POLN: variants seen among roughly 807,000 people sequenced by gnomAD.
POLN encodes DNA polymerase nu.
In POLN, 108 loss-of-function variants were observed where a neutral mutation model predicts 113.5. The ratio of observed to expected loss-of-function variants is 0.95; its 90% CI spans 0.81 to 1.12. The LOEUF is 1.12. Ranked by LOEUF, POLN falls within the 50% of genes most tolerant of loss-of-function variation. The pLI is 0.00. For synonymous variants in POLN, 386 were observed against 391.5 expected (o/e 0.99, Z 0.17); for missense variants, 1,097 against 1,077.1 (o/e 1.02, Z -0.26).
intron 16 of POLN, among the ~76,000 whole-genome samples, chr4:2,146,847 C>T (rs952829131): frequency 6.6e-6 from 1 of 152,116 alleles, no homozygotes; most frequent in Admixed American, 6.5e-5. Flanking sequence ...ATCAAGGAAA[C>T]AAATTATATC....
At chr4:2,134,331 G>C (rs1372228012) in intron 16 of POLN, among the ~76,000 whole-genome samples, 1 of 152,328 alleles carries the variant, frequency 6.6e-6, no homozygotes, top group East Asian at 1.9e-4. Context: ...TTTGTGTGCA[G>C]GTTCTTGTGT....
Position 2,208,031 on chromosome 4 carries a change from T to C in POLN, c.670A>G (p.Thr224Ala), listed in dbSNP as rs61748734. Residue 224 changes from threonine (T) to alanine (A), a missense_variant, in exon 5 of 26, where the codon ACT becomes GCT. Physicochemically the swap from Thr to Ala is moderately conservative, Grantham distance 58. Coordinates refer to ENST00000511885, the MANE Select transcript of POLN (RefSeq NM_181808.4). ...GTGGAACCATCAGTATACATCACAG[T>C]TATCACCAGGGCTGCTGCCTGTTTG... ...MLKQAAALVI[T>A]VMYTDGSTQL... is the part of the protein sequence containing the mutation. 829 of 1,614,052 alleles carry C rather than the reference T, an allele frequency of 5.1e-4. 6 individuals carry two copies. The African/African-American group carries it at 9.8e-3, about 19-fold the overall frequency.
At position 2,161,462 on chromosome 4, in the gene POLN, G is replaced by A. The variant is rs1732587290; in HGVS notation, c.1555-2251C>T. The stretch of plus-strand genomic sequence containing the variant: ...GGGTCCCCCAGCAGTCAGCCCACCG[G>A]CGCTGCGCTCGATTTCTCACCCGGC... On this transcript the variant is annotated intron_variant, in intron 13 of 25. Coordinates refer to ENST00000511885, the MANE Select transcript of POLN (RefSeq NM_181808.4). 2.0e-5 allele frequency among the ~76,000 whole-genome samples: 3 copies of A among 152,248 alleles called. No homozygotes were observed. In the South Asian group the frequency reaches 6.2e-4, roughly 31 times the overall value.
intron 19 of POLN, among the ~76,000 whole-genome samples, chr4:2,119,662 C>A (rs941515362): frequency 6.6e-6 from 1 of 151,998 alleles, no homozygotes; most frequent in Non-Finnish European, 1.5e-5. Flanking sequence ...CATCAAATTG[C>A]CTTTTTGCTT....
intron 19 of POLN, among the ~76,000 whole-genome samples, chr4:2,101,593 T>A (rs1730927154): frequency 6.6e-6 from 1 of 152,242 alleles, no homozygotes; most frequent in Non-Finnish European, 1.5e-5. Flanking sequence ...GGAGGGAACA[T>A]GCCCTGGGTC....
chr4:2,208,172 C>G lies in POLN; in HGVS notation c.529G>C (p.Asp177His). Residue 177 changes from aspartate (D) to histidine (H), a missense_variant, in exon 5 of 26, where the codon GAT becomes CAT. Coordinates refer to ENST00000511885, the MANE Select transcript of POLN (RefSeq NM_181808.4). ...AGGTAGCCTTCGGCGTCATCAGTAT[C>G]TTCTTCCAATGCCATTTGTTTACTT... ...KTSKQMALEE[D>H]TDDAEGYLNS... is the part of the protein sequence containing the mutation. 6.2e-7 allele frequency: 1 copy of G among 1,613,752 alleles called. No individual in the cohort carries two copies.
chr4:2,236,629 C>A (rs1271941010), intron 2 of POLN, among the ~76,000 whole-genome samples: 1 of 151,880 alleles, frequency 6.6e-6, no homozygotes, highest in Non-Finnish European at 1.5e-5. Context: ...GAGGCCAAGG[C>A]GGGCAGATTG....
At chr4:2,228,539 G>C (rs61792605) in intron 3 of POLN, 9 of 186,092 alleles carry the variant, frequency 4.8e-5, no homozygotes, top group Non-Finnish European at 9.2e-5. Flanking sequence ...GTGTTTTACC[G>C]TGTTAGCCAG....
intron 16 of POLN, among the ~76,000 whole-genome samples, chr4:2,150,690 G>C (rs1321302565): frequency 2.0e-5 from 3 of 152,120 alleles, no homozygotes; most frequent in Non-Finnish European, 4.4e-5. Context: ...CCCTTATATT[G>C]ATAGTAAATG....
At chr4:2,241,838 C>T (rs1043802313) in intron 1 of POLN, 48 bp from the exon 2 acceptor site, 200 of 985,408 alleles carry the variant, frequency 2.0e-4, no homozygotes, top group Non-Finnish European at 2.3e-4. Flanking sequence ...CGACACCGAG[C>T]TGCAGAAGAC....
chr4:2,186,579 A>G (rs1295262934), intron 7 of POLN, among the ~76,000 whole-genome samples: 1 of 152,238 alleles, frequency 6.6e-6, no homozygotes, highest in Non-Finnish European at 1.5e-5. Flanking sequence ...AGGACCTAGC[A>G]AAAACAAAAA....
intron 17 of POLN, 38 bp downstream of exon 17, chr4:2,131,195 T>C: frequency 7.0e-7 from 1 of 1,428,532 alleles, no homozygotes; most frequent in Non-Finnish European, 9.8e-7. Flanking sequence ...AAAAGAGAGT[T>C]ACCAGAGACT....
intron 16 of POLN, among the ~76,000 whole-genome samples, chr4:2,151,319 C>T (rs1040746982): frequency 6.6e-6 from 1 of 152,204 alleles, no homozygotes; most frequent in South Asian, 2.1e-4. Context: ...AGATCAAATG[C>T]TGCTAGGAGT....
intron 20 of POLN, chr4:2,088,948 C>A (rs1560977704): frequency 3.0e-6 from 3 of 989,080 alleles, no homozygotes; most frequent in Non-Finnish European, 4.6e-6. Context: ...CAGCAACGGC[C>A]TTGGTCCGAG....
At position 2,157,446 on chromosome 4, in the gene POLN, G is replaced by C. The variant is rs370503121; in HGVS notation, c.1665+412C>G. On this transcript the variant is annotated intron_variant, in intron 15 of 25. Coordinates refer to ENST00000511885, the MANE Select transcript of POLN (RefSeq NM_181808.4). Reference sequence around the variant, plus strand: ...GTTTCAAGAATATTAGATTATTTCGGCTGGGTGAGGTAGCTCACGCCTGTA... The same window carrying C: ...GTTTCAAGAATATTAGATTATTTCGCCTGGGTGAGGTAGCTCACGCCTGTA... 6.6e-5 allele frequency among the ~76,000 whole-genome samples: 10 copies of C among 152,246 alleles called. No homozygotes were observed. The East Asian group carries it at 1.5e-3, about 24-fold the overall frequency.
At chr4:2,163,605 C>G (rs780958334) in intron 13 of POLN, among the ~76,000 whole-genome samples, 1 of 152,246 alleles carries the variant, frequency 6.6e-6, no homozygotes. Context: ...ATCAGTTTCT[C>G]GGAGTTTAAC....
At chr4:2,217,573 T>G (rs1025578090) in intron 3 of POLN, among the ~76,000 whole-genome samples, 2 of 152,252 alleles carry the variant, frequency 1.3e-5, no homozygotes, top group African/African-American at 4.8e-5. Flanking sequence ...TCACTTGATG[T>G]CACCATGGCC....
intron 19 of POLN, 88 bp downstream of exon 19, chr4:2,128,025 T>G (rs1052056766): frequency 4.3e-5 from 36 of 830,282 alleles, no homozygotes; most frequent in Admixed American, 2.3e-4. Context: ...TTCTGCCTTA[T>G]GAAAGTAGCC....
At chr4:2,104,158 C>G (rs1364083011) in intron 19 of POLN, among the ~76,000 whole-genome samples, 1 of 152,194 alleles carries the variant, frequency 6.6e-6, no homozygotes, top group Non-Finnish European at 1.5e-5. Context: ...TATAAAACAA[C>G]TAGAAAACAA....
Sources: gnomAD v4.1 joint callset for allele counts (sites outside exome capture counted in the v4.1 genomes callset) on GRCh38, gnomAD v4.1.1 for gene constraint, MANE v1.5 for transcripts, NCBI Gene and HGNC (gene_info 2026-07-23, HGNC 2026-07-21) for gene names.